The following SH3RF1 variants were observed in gnomAD, a reference collection of about 807,000 sequenced individuals.
SH3RF1 encodes the protein SH3 domain containing ring finger 1.
In SH3RF1, 32 loss-of-function variants were observed where a neutral mutation model predicts 74.0. That is an observed-to-expected ratio of 0.43 (90% CI 0.33 to 0.58). The LOEUF is 0.58. Among genes scored for constraint, SH3RF1 ranks in the 20% least tolerant of loss-of-function variants. The pLI is 0.05. For missense variants in SH3RF1, 954 were observed against 1,130.9 expected, an observed-to-expected ratio of 0.84 and a Z score of 2.24; for synonymous variants, 396 against 439.6, an observed-to-expected ratio of 0.90 and a Z score of 1.24.
intron 2 of SH3RF1, among the ~76,000 whole-genome samples, chr4:169,225,511 A>G (rs548809948): frequency 1.3e-5 from 2 of 152,344 alleles, no homozygotes; most frequent in South Asian, 4.1e-4. Context: ...GCTGTGTGCA[A>G]GAGGGTTAAA....
intron 2 of SH3RF1, among the ~76,000 whole-genome samples, chr4:169,243,227 G>T (rs1234635395): frequency 6.6e-6 from 1 of 152,208 alleles, no homozygotes; most frequent in Non-Finnish European, 1.5e-5. Context: ...AAACTGAAAA[G>T]CTCACTTGCT....
intron 11 of SH3RF1, among the ~76,000 whole-genome samples, chr4:169,102,915 C>CTTTTTTTTTTTTT (rs66574732): frequency 3.0e-5 from 2 of 66,876 alleles, no homozygotes; most frequent in Non-Finnish European, 4.9e-5. Flanking sequence ...CAGTCACATT[C>CTTTTTTTTTTTTT]TTTTTTTTTT....
chr4:169,264,555 G>A (rs62334172), intron 2 of SH3RF1, among the ~76,000 whole-genome samples: 51,779 of 151,920 alleles, frequency 0.34, 9,123 homozygotes, highest in Non-Finnish European at 0.37. Context: ...GCATTTACAG[G>A]GGAAAATAAA....
intron 2 of SH3RF1, among the ~76,000 whole-genome samples, chr4:169,260,289 A>AT (rs1392159719): frequency 6.6e-6 from 1 of 152,200 alleles, no homozygotes; most frequent in Non-Finnish European, 1.5e-5. Flanking sequence ...AAAACAAAGC[A>AT]TTTTGAGAAG....
At chr4:169,213,230 A>C (rs1462191457) in intron 2 of SH3RF1, among the ~76,000 whole-genome samples, 2 of 152,220 alleles carry the variant, frequency 1.3e-5, no homozygotes, top group African/African-American at 4.8e-5. Flanking sequence ...CTGTCATTCT[A>C]ATAGGTACCT....
At chr4:169,241,579 CAGAGGAG>C (rs1407878424) in intron 2 of SH3RF1, among the ~76,000 whole-genome samples, 1 of 87,876 alleles carries the variant, frequency 1.1e-5, no homozygotes, top group Non-Finnish European at 2.6e-5. Flanking sequence ...TGAACTCCAC[CAGAGGAG>C]ACAGTGAGAA....
At chr4:169,175,206 T>C (rs1561044665) in intron 2 of SH3RF1, among the ~76,000 whole-genome samples, 1 of 152,218 alleles carries the variant, frequency 6.6e-6, no homozygotes, top group Non-Finnish European at 1.5e-5. Context: ...TGACAATTTC[T>C]ACTGCTACCA....
intron 2 of SH3RF1, among the ~76,000 whole-genome samples, chr4:169,185,758 T>C (rs977620211): frequency 6.6e-6 from 1 of 152,144 alleles, no homozygotes; most frequent in Non-Finnish European, 1.5e-5. Context: ...TCTGTGCTAA[T>C]AACAGCTTTG....
At chr4:169,173,277 T>C (rs1734362633) in intron 2 of SH3RF1, among the ~76,000 whole-genome samples, 1 of 152,160 alleles carries the variant, frequency 6.6e-6, no homozygotes, top group African/African-American at 2.4e-5. Context: ...CTCCTGACCA[T>C]TCCTGATTAA....
At chr4:169,106,585 T>A (rs149707336) in intron 11 of SH3RF1, among the ~76,000 whole-genome samples, 1 of 151,362 alleles carries the variant, frequency 6.6e-6, no homozygotes, top group Non-Finnish European at 1.5e-5. Flanking sequence ...AGTTTTTACC[T>A]GGACACAATT....
chr4:169,179,454 C>A (rs1241503696), intron 2 of SH3RF1, among the ~76,000 whole-genome samples: 1 of 152,162 alleles, frequency 6.6e-6, no homozygotes, highest in African/African-American at 2.4e-5. Flanking sequence ...TAATCTGTTA[C>A]AGCAGCAAGA....
chr4:169,111,130 T>C (rs926092924), intron 10 of SH3RF1, among the ~76,000 whole-genome samples: 1 of 151,850 alleles, frequency 6.6e-6, no homozygotes, highest in Admixed American at 6.5e-5. Context: ...GGTGAAACCC[T>C]GTCTCTACTA....
intron 8 of SH3RF1, among the ~76,000 whole-genome samples, 162 bp downstream of exon 8, chr4:169,120,655 TTA>T (rs1733422290): frequency 6.6e-6 from 1 of 152,178 alleles, no homozygotes; most frequent in Non-Finnish European, 1.5e-5. Context: ...GCTAAAAATT[TTA>T]GAGTTAGAAG....
intron 2 of SH3RF1, among the ~76,000 whole-genome samples, chr4:169,184,330 C>T (rs772227080): frequency 3.9e-5 from 6 of 152,344 alleles, no homozygotes; most frequent in Middle Eastern, 6.8e-3. Flanking sequence ...GCACATCACA[C>T]GTGCACACAT....
At chr4:169,177,143 G>A (rs935683441) in intron 2 of SH3RF1, among the ~76,000 whole-genome samples, 3 of 152,126 alleles carry the variant, frequency 2.0e-5, no homozygotes, top group African/African-American at 7.2e-5. Flanking sequence ...CCATCTTTAA[G>A]TACAGCACTT....
intron 10 of SH3RF1, among the ~76,000 whole-genome samples, chr4:169,110,267 C>A (rs1057210073): frequency 2.0e-5 from 3 of 148,580 alleles, no homozygotes; most frequent in African/African-American, 7.5e-5. Context: ...CTGGGAGGAT[C>A]ACTTAAGACC....
chr4:169,165,401 G>C (rs1734219097), intron 2 of SH3RF1, among the ~76,000 whole-genome samples: 1 of 152,174 alleles, frequency 6.6e-6, no homozygotes, highest in Non-Finnish European at 1.5e-5. Flanking sequence ...TTGGGTAACA[G>C]CCACATGCAG....
At chr4:169,114,421 T>A (rs1000075170) in intron 10 of SH3RF1, among the ~76,000 whole-genome samples, 2 of 152,238 alleles carry the variant, frequency 1.3e-5, no homozygotes, top group African/African-American at 4.8e-5. Context: ...GTCAAAAGGC[T>A]ATTAATTTAA....
intron 2 of SH3RF1, among the ~76,000 whole-genome samples, chr4:169,182,528 C>T (rs1242155804): frequency 3.3e-5 from 5 of 152,090 alleles, no homozygotes; most frequent in Admixed American, 2.0e-4. Context: ...GTAACATAAA[C>T]CAACTTCTAC....
Sources: gnomAD v4.1 joint callset for allele counts (sites outside exome capture counted in the v4.1 genomes callset) on GRCh38, gnomAD v4.1.1 for gene constraint, MANE v1.5 for transcripts, NCBI Gene and HGNC (gene_info 2026-07-23, HGNC 2026-07-21) for gene names.